The following KIAA1217 variants were observed in gnomAD, a reference collection of about 807,000 sequenced individuals.
The protein encoded by KIAA1217 is KIAA1217, also known as sickle tail protein homolog.
Under a neutral mutation model 163.9 loss-of-function variants are expected in KIAA1217, and 88 were observed. That is an observed-to-expected ratio of 0.54 (90% confidence interval 0.45 to 0.64). The LOEUF is 0.64. KIAA1217 is among the 30% of genes least tolerant of loss of function. The probability of loss-of-function intolerance (pLI) is 0.00; values close to 1 mark genes in which losing one functional copy is unlikely to be tolerated. For missense variants in KIAA1217, 2,372 were observed against 2,475.0 expected (o/e 0.96, Z 0.88); for synonymous variants, 903 against 923.1 (o/e 0.98, Z 0.39).
chr10:24,017,789 G>A (rs1847552620), intron 2 of KIAA1217, among the ~76,000 whole-genome samples: 1 of 151,968 alleles, frequency 6.6e-6, no homozygotes, highest in Non-Finnish European at 1.5e-5. Context: ...ACCCAGACCT[G>A]GGTTCCAAAG....
chr10:23,742,154 A>C (rs1468756989), intron 1 of KIAA1217, among the ~76,000 whole-genome samples: 1 of 152,126 alleles, frequency 6.6e-6, no homozygotes, highest in Non-Finnish European at 1.5e-5. Flanking sequence ...TTGTTGGTGG[A>C]GTCGCTCTGG....
intron 2 of KIAA1217, among the ~76,000 whole-genome samples, chr10:24,203,075 A>T (rs2067351396): frequency 6.6e-6 from 1 of 152,046 alleles, no homozygotes; most frequent in East Asian, 1.9e-4. Context: ...CTGTAGTCCC[A>T]GCTACTTGGG....
intron 1 of KIAA1217, among the ~76,000 whole-genome samples, chr10:23,926,749 A>ATAAATAAG (rs1843037485): frequency 2.0e-5 from 3 of 151,462 alleles, no homozygotes; most frequent in African/African-American, 7.3e-5. Context: ...AAATAAATAA[A>ATAAATAAG]TAAATAAATA....
intron 1 of KIAA1217, among the ~76,000 whole-genome samples, chr10:23,887,725 C>T (rs375845679): frequency 2.0e-5 from 3 of 151,754 alleles, no homozygotes; most frequent in African/African-American, 7.2e-5. Context: ...TACTTGTTTA[C>T]TTATTTATTT....
intron 2 of KIAA1217, among the ~76,000 whole-genome samples, chr10:24,049,551 TGTG>T: frequency 6.6e-6 from 1 of 152,266 alleles, no homozygotes; most frequent in South Asian, 2.1e-4. Context: ...TAGGAGAACA[TGTG>T]GTGTTTGGTT....
intron 1 of KIAA1217, among the ~76,000 whole-genome samples, chr10:23,959,576 T>C (rs933789799): frequency 1.3e-5 from 2 of 152,182 alleles, no homozygotes; most frequent in African/African-American, 4.8e-5. Flanking sequence ...CACACATTTA[T>C]TTATTTCATG....
rs59746609 is a variant in KIAA1217, at chr10:24,269,210, TAA to T, written c.354+49323_354+49324del. On this transcript the variant is annotated intron_variant, in intron 2 of 20. Coordinates refer to ENST00000376454, the MANE Select transcript of KIAA1217 (RefSeq NM_019590.5). ...TGTACCCTAAAAGTTAAAGTATAAT[TAA>T]AAAAAAAAAAAAAAAAAAAAAGGAT... Among the ~76,000 whole-genome samples, 627 of 87,034 alleles carry T rather than the reference TAA, an allele frequency of 7.2e-3. 3 individuals carry two copies. Among genetic ancestry groups the T allele is most frequent in the African/African-American group, 0.024 (578 of 24,048 alleles). The allele number at this position is 87,034 out of a possible 152,430, so 57.1% of individuals were successfully genotyped here.
chr10:23,953,807 A>T (rs762061185), intron 1 of KIAA1217, among the ~76,000 whole-genome samples: 3 of 152,230 alleles, frequency 2.0e-5, no homozygotes, highest in Admixed American at 1.3e-4. Flanking sequence ...TAATTGACCC[A>T]TACTCAGTTA....
intron 2 of KIAA1217, among the ~76,000 whole-genome samples, chr10:24,232,667 A>C (rs1490306281): frequency 6.6e-6 from 1 of 152,212 alleles, no homozygotes; most frequent in Non-Finnish European, 1.5e-5. Context: ...TGCAGAACTC[A>C]TACTGCAAAT....
chr10:24,250,209 G>C (rs977039061), intron 2 of KIAA1217, among the ~76,000 whole-genome samples: 1 of 152,084 alleles, frequency 6.6e-6, no homozygotes, highest in Non-Finnish European at 1.5e-5. Flanking sequence ...GAAGAAAGCC[G>C]CATACATAGA....
At chr10:23,795,365 G>T (rs559115931) in intron 1 of KIAA1217, among the ~76,000 whole-genome samples, 1 of 152,042 alleles carries the variant, frequency 6.6e-6, no homozygotes, top group South Asian at 2.1e-4. Context: ...CACTTGCCCC[G>T]TGCACAGAAA....
At chr10:24,465,500 G>T (rs561354043) in intron 5 of KIAA1217, among the ~76,000 whole-genome samples, 1 of 152,366 alleles carries the variant, frequency 6.6e-6, no homozygotes, top group East Asian at 1.9e-4. Context: ...GCTGCCCAGA[G>T]CGTGGTAGTT....
At chr10:24,155,693 G>C (rs1387428244) in intron 2 of KIAA1217, among the ~76,000 whole-genome samples, 8 of 151,966 alleles carry the variant, frequency 5.3e-5, no homozygotes, top group Non-Finnish European at 1.0e-4. Flanking sequence ...TCAGTGGCGG[G>C]CACCTGTAAT....
chr10:24,117,052 G>GGA (rs2063084726), intron 2 of KIAA1217, among the ~76,000 whole-genome samples: 10 of 150,866 alleles, frequency 6.6e-5, no homozygotes, highest in Admixed American at 6.6e-4. Flanking sequence ...TTTTGGGTGG[G>GGA]GGGGGATGGA....
intron 1 of KIAA1217, among the ~76,000 whole-genome samples, chr10:23,802,258 T>G (rs150133642): frequency 1.3e-5 from 2 of 152,284 alleles, no homozygotes; most frequent in African/African-American, 4.8e-5. Context: ...CCTCACATGC[T>G]GAGAAGTTGG....
chr10:24,178,300 A>T (rs1157643949), intron 2 of KIAA1217, among the ~76,000 whole-genome samples: 1 of 152,250 alleles, frequency 6.6e-6, no homozygotes, highest in Non-Finnish European at 1.5e-5. Context: ...TTACAGTTTA[A>T]AAATACTTTC....
intron 3 of KIAA1217, among the ~76,000 whole-genome samples, chr10:24,402,120 C>T (rs1210003584): frequency 2.0e-5 from 3 of 152,148 alleles, no homozygotes; most frequent in Admixed American, 6.6e-5. Flanking sequence ...ACTGCTCTCC[C>T]AAAAGATCTA....
At chr10:24,184,729 G>A (rs536255633) in intron 2 of KIAA1217, among the ~76,000 whole-genome samples, 7 of 152,184 alleles carry the variant, frequency 4.6e-5, no homozygotes, top group Admixed American at 2.6e-4. Context: ...AATACTGGCA[G>A]TATTCAATTC....
chr10:24,141,430 GAATA>G (rs1212353555), intron 2 of KIAA1217, among the ~76,000 whole-genome samples: 1 of 152,052 alleles, frequency 6.6e-6, no homozygotes, highest in Non-Finnish European at 1.5e-5. Flanking sequence ...CGTAGCAGCA[GAATA>G]AATAAAGTCT....
Sources: allele counts gnomAD v4.1 joint callset (sites outside exome capture counted in the v4.1 genomes callset), GRCh38; gene constraint gnomAD v4.1.1; transcripts MANE v1.5; gene names NCBI Gene and HGNC (gene_info 2026-07-23, HGNC 2026-07-21).